The following TRIM72 variants were observed in gnomAD, a reference collection of about 807,000 sequenced individuals.
The protein encoded by TRIM72 is tripartite motif-containing protein 72.
Under a neutral mutation model 31.6 loss-of-function variants are expected in TRIM72, and 33 were observed. The observed-to-expected ratio is 1.04, with a 90% CI of 0.79 to 1.40. The LOEUF is 1.40. TRIM72 is among the 40% of genes most tolerant of loss of function. The probability of loss-of-function intolerance (pLI) is 0.00; values close to 1 mark genes in which losing one functional copy is unlikely to be tolerated. For missense variants in TRIM72, 666 were observed against 682.7 expected, an observed-to-expected ratio of 0.98 and a Z score of 0.27; for synonymous variants, 301 against 314.4, an observed-to-expected ratio of 0.96 and a Z score of 0.45.
Position 31,224,254 on chromosome 16 carries a change from G to C in TRIM72, c.933G>C (p.Val311=). 1 of 1,605,100 alleles carries C rather than the reference G, an allele frequency of 6.2e-7. No individual in the cohort carries two copies. The highest frequency in any genetic ancestry group is 8.5e-7 in the Non-Finnish European group (1 of 1,179,752). The part of the protein sequence containing the change: ...SLVVSSSGRR[V]ECSEQKAPPA... ...TGGTGTCTTCCTCTGGCCGCCGCGTGGAGTGCTCGGAGCAGAAGGCGCCGC... is the reference window on the plus strand; with the variant it reads ...TGGTGTCTTCCTCTGGCCGCCGCGTCGAGTGCTCGGAGCAGAAGGCGCCGC... The change falls in exon 7 of 7, where the codon GTG becomes GTC. Residue 311 remains valine, a synonymous_variant. Coordinates refer to ENST00000322122, the MANE Select transcript of TRIM72 (RefSeq NM_001008274.4).
Position 31,227,563 on chromosome 16 carries a change from C to T in TRIM72, c.*2808C>T, listed in dbSNP as rs1228175698. 6.6e-6 allele frequency: 1 copy of T among 152,070 alleles called. No homozygotes were observed. Among genetic ancestry groups the T allele is most frequent in the East Asian group, 1.9e-4 (1 of 5,170 alleles). The allele number at this position is 152,070 out of a possible 1,614,324, so 9.4% of individuals were successfully genotyped here. ...CGAACTCCTGACCTCAGGTGATCCACCCATTTTGGCCTCCCAAAGTGCTGG... is the reference window on the plus strand; with the variant it reads ...CGAACTCCTGACCTCAGGTGATCCATCCATTTTGGCCTCCCAAAGTGCTGG... On this transcript the variant is annotated 3_prime_UTR_variant, in exon 7 of 7. Transcript: ENST00000322122.
chr16:31,228,838 C>T lies in TRIM72; in HGVS notation c.*4083C>T, dbSNP rs2144204578. Reference sequence around the variant, plus strand: ...ACCTCAAATGATCTGCCCGCCTCAGCCTCCCAAAGTGCTGGGATTACAGGC... The same window carrying T: ...ACCTCAAATGATCTGCCCGCCTCAGTCTCCCAAAGTGCTGGGATTACAGGC... On this transcript the variant is annotated 3_prime_UTR_variant, in exon 7 of 7. Coordinates refer to ENST00000322122, the MANE Select transcript of TRIM72 (RefSeq NM_001008274.4). The T allele has an allele frequency of 6.6e-6, 1 of 152,414 alleles. No homozygotes were observed. The highest frequency in any genetic ancestry group is 3.4e-3 in the Middle Eastern group (1 of 296). The allele number at this position is 152,414 out of a possible 1,614,324, so 9.4% of individuals were successfully genotyped here.
chr16:31,217,113 G>A (rs1596938305), intron 2 of TRIM72: 8 of 1,420,742 alleles, frequency 5.6e-6, no homozygotes, highest in East Asian at 2.5e-5. Context: ...TGCCGCCCCC[G>A]GGGATGTCCC....
At position 31,215,064 on chromosome 16, in the gene TRIM72, C is replaced by A; in HGVS notation, c.326C>A (p.Ala109Asp). Residue 109 changes from alanine to aspartate, a missense_variant, in exon 2 of 7, where the codon GCC becomes GAC. Physicochemically the swap from Ala to Asp is moderately radical, Grantham distance 126 (BLOSUM62 -2). Transcript: ENST00000322122. This position sits in a 1 kb window ranked among gnomAD's most constrained non-coding sequence, Gnocchi z 6.3. Reference sequence around the variant, plus strand: ...CGCGCGCTGGTGTGCGGAGTGTGCGCCTCACTCGGCTCGCACCGCGGTCAT... The same window carrying A: ...CGCGCGCTGGTGTGCGGAGTGTGCGACTCACTCGGCTCGCACCGCGGTCAT... ...QDRALVCGVC[A>D]SLGSHRGHRL... 6.8e-7 allele frequency: 1 copy of A among 1,471,470 alleles called. No individual in the cohort carries two copies. The highest frequency in any genetic ancestry group is 1.4e-5 in the South Asian group (1 of 73,586). 91.2% of individuals were successfully genotyped at this position (1,471,470 alleles called of 1,614,324 possible). A position where few individuals can be genotyped will look rare whatever the true frequency, so the allele number is the denominator to read the frequency against.
At chr16:31,224,140 G>C (rs768905775) in intron 6 of TRIM72, 41 bp from the exon 7 acceptor site, 9 of 1,587,364 alleles carry the variant, frequency 5.7e-6, no homozygotes, top group Non-Finnish European at 7.7e-6. Context: ...ACCCCAGCGA[G>C]GCAGAAACCT....
At position 31,216,928 on chromosome 16, in the gene TRIM72, T is replaced by A; in HGVS notation, c.390+1800T>A. On this transcript the variant is annotated intron_variant, in intron 2 of 6. Transcript: ENST00000322122. This position sits in a 1 kb window ranked among gnomAD's most constrained non-coding sequence, Gnocchi z 6.7. ...GCCCCGCGGGATGCGCTCAAAGCCC[T>A]CGCGCAGCGGCACCGTCCCCAGCTT... 6.2e-7 allele frequency: 1 copy of A among 1,614,124 alleles called. No individual in the cohort carries two copies. The highest frequency in any genetic ancestry group is 1.1e-5 in the South Asian group (1 of 91,092).
intron 6 of TRIM72, among the ~76,000 whole-genome samples, chr16:31,223,642 G>A (rs886115414): frequency 6.6e-6 from 1 of 152,140 alleles, no homozygotes; most frequent in South Asian, 2.1e-4. Flanking sequence ...GGTGGCTCAC[G>A]CTTGTAATCC....
At chr16:31,221,124 CAT>C (rs1296405301) in intron 5 of TRIM72, among the ~76,000 whole-genome samples, 1 of 152,170 alleles carries the variant, frequency 6.6e-6, no homozygotes, top group Non-Finnish European at 1.5e-5. Flanking sequence ...CCGTGAGACA[CAT>C]GTGGGTGGGG....
At chr16:31,220,355 T>A (rs2079527952) in intron 4 of TRIM72, among the ~76,000 whole-genome samples, 1 of 149,948 alleles carries the variant, frequency 6.7e-6, no homozygotes, top group Non-Finnish European at 1.5e-5. Flanking sequence ...GACAGTTTTC[T>A]AACAGGTGGA....
At position 31,214,777 on chromosome 16, in the gene TRIM72, C is replaced by T; in HGVS notation, c.39C>T (p.Ser13=). Residue 13 remains serine, a synonymous_variant, in exon 2 of 7, where the codon TCC becomes TCT. Transcript: ENST00000322122. ...CCGGCCTCCTGCACCAGGAGCTGTCCTGCCCGCTGTGCCTGCAGCTGTTCG... is the reference window on the plus strand; with the variant it reads ...CCGGCCTCCTGCACCAGGAGCTGTCTTGCCCGCTGTGCCTGCAGCTGTTCG... The part of the protein sequence containing the change: ...AAPGLLHQEL[S]CPLCLQLFDA... The T allele has an allele frequency of 1.3e-6, 2 of 1,582,298 alleles. No individual in the cohort carries two copies. The highest frequency in any genetic ancestry group is 4.7e-5 in the East Asian group (2 of 42,980).
At chr16:31,214,601 G>C (rs2079497558) in intron 1 of TRIM72, 131 bp from the exon 2 acceptor site, 9 of 1,035,864 alleles carry the variant, frequency 8.7e-6, no homozygotes, top group Non-Finnish European at 1.2e-5. Flanking sequence ...TCCAGTGTAG[G>C]ATGTGAGGTC....
chr16:31,218,168 C>T (rs969321497), intron 2 of TRIM72, among the ~76,000 whole-genome samples: 1 of 152,178 alleles, frequency 6.6e-6, no homozygotes, highest in Non-Finnish European at 1.5e-5. Context: ...TGATGTTTGT[C>T]ATCCTCGCAA....
rs1403708733 is a variant in TRIM72 at position 31,228,101 on chromosome 16, C to T, written c.*3346C>T. 6.6e-6 allele frequency: 1 copy of T among 152,084 alleles called. No homozygotes were observed. The highest frequency in any genetic ancestry group is 2.4e-5 in the African/African-American group (1 of 41,352). The allele number at this position is 152,084 out of a possible 1,614,324, so 9.4% of individuals were successfully genotyped here. A position where few individuals can be genotyped will look rare whatever the true frequency, so the allele number is the denominator to read the frequency against. ...AGTAGCTGGGACTATAGGCAGGTGA[C>T]ACTACGCCTAGCTGATTTTTGTATT... is the stretch of plus-strand genomic sequence containing the variant. On this transcript the variant is annotated 3_prime_UTR_variant, in exon 7 of 7. Transcript: ENST00000322122.
rs1400596058 is a variant in TRIM72, at chr16:31,215,202, G to C, written c.390+74G>C. 6 of 1,382,442 alleles carry C rather than the reference G, an allele frequency of 4.3e-6. No homozygotes were observed. The South Asian group carries it at 8.2e-5, about 19-fold the overall frequency. The allele number at this position is 1,382,442 out of a possible 1,614,324, so 85.6% of individuals were successfully genotyped here. ...GGGCCGATGGGGAGGTCGCTGCAGTGATTTGGATTCTGAGTCTCTAGAGAG... is the reference window on the plus strand; with the variant it reads ...GGGCCGATGGGGAGGTCGCTGCAGTCATTTGGATTCTGAGTCTCTAGAGAG... On this transcript the variant is annotated intron_variant, in intron 2 of 6. Coordinates refer to ENST00000322122, the MANE Select transcript of TRIM72 (RefSeq NM_001008274.4). The surrounding 1 kb of genome is among the most constrained non-coding windows in gnomAD (Gnocchi z 6.3).
rs758879061 is a variant in TRIM72, at chr16:31,224,246, C to A, written c.925C>A (p.Arg309Ser). ...GAGCCTGGTGGTGTCTTCCTCTGGCCGCCGCGTGGAGTGCTCGGAGCAGAA... is the reference window on the plus strand; with the variant it reads ...GAGCCTGGTGGTGTCTTCCTCTGGCAGCCGCGTGGAGTGCTCGGAGCAGAA... The part of the protein sequence containing the change: ...HPSLVVSSSG[R>S]RVECSEQKAP... Residue 309 changes from arginine to serine, a missense_variant, in exon 7 of 7, where the codon CGC becomes AGC. Coordinates refer to ENST00000322122, the MANE Select transcript of TRIM72 (RefSeq NM_001008274.4). 7 of 1,604,982 alleles carry A rather than the reference C, an allele frequency of 4.4e-6. No homozygotes were observed. The highest frequency in any genetic ancestry group is 5.1e-6 in the Non-Finnish European group (6 of 1,179,812).
chr16:31,222,292 C>T (rs2079537410), intron 5 of TRIM72, among the ~76,000 whole-genome samples: 1 of 151,202 alleles, frequency 6.6e-6, no homozygotes, highest in African/African-American at 2.4e-5. Context: ...ACTTGGTTGG[C>T]TGAGGCAGGA....
In TRIM72 at chr16:31,225,149, C is replaced by T. The variant is rs2079551016; in HGVS notation, c.*394C>T. 2.6e-5 allele frequency: 4 copies of T among 155,634 alleles called. No individual in the cohort carries two copies. Among genetic ancestry groups the T allele is most frequent in the African/African-American group, 7.3e-5 (3 of 40,892 alleles). The allele number at this position is 155,634 out of a possible 1,614,324, so 9.6% of individuals were successfully genotyped here. On this transcript the variant is annotated 3_prime_UTR_variant, in exon 7 of 7. Transcript: ENST00000322122. Reference sequence around the variant, plus strand: ...AGGTTGCAGTGAGCAGACATTGCGGCACTGCACTCTAGCCTGGGTGACAAG... The same window carrying T: ...AGGTTGCAGTGAGCAGACATTGCGGTACTGCACTCTAGCCTGGGTGACAAG...
rs1338331506 is a variant in TRIM72 at position 31,225,259 on chromosome 16, G to A, written c.*504G>A. Reference sequence around the variant, plus strand: ...CTGGTGAGGGGTTGGAGTGACGCTGGGGACAAGACCCAGTGGGGTAGGGAG... The same window carrying A: ...CTGGTGAGGGGTTGGAGTGACGCTGAGGACAAGACCCAGTGGGGTAGGGAG... On this transcript the variant is annotated 3_prime_UTR_variant, in exon 7 of 7. Transcript: ENST00000322122. 6.6e-6 allele frequency: 1 copy of A among 152,240 alleles called. No individual in the cohort carries two copies. The highest frequency in any genetic ancestry group is 2.4e-5 in the African/African-American group (1 of 41,366). 9.4% of individuals were successfully genotyped at this position (152,240 alleles called of 1,614,324 possible). A position where few individuals can be genotyped will look rare whatever the true frequency, so the allele number is the denominator to read the frequency against.
In TRIM72 at chr16:31,215,228, G is replaced by A. The variant is rs368033615; in HGVS notation, c.390+100G>A. On this transcript the variant is annotated intron_variant, in intron 2 of 6. Coordinates refer to ENST00000322122, the MANE Select transcript of TRIM72 (RefSeq NM_001008274.4). The surrounding 1 kb of genome is among the most constrained non-coding windows in gnomAD (Gnocchi z 6.3). ...ATTTGGATTCTGAGTCTCTAGAGAG[G>A]CTCACGAGCTCCTGGAGTTGCGGGG... 3.0e-4 allele frequency: 405 copies of A among 1,333,886 alleles called. 1 individual carries two copies. In the African/African-American group the frequency reaches 5.9e-3, roughly 19 times the overall value. The allele number at this position is 1,333,886 out of a possible 1,614,324, so 82.6% of individuals were successfully genotyped here.
Sources: gnomAD v4.1 joint callset for allele counts (sites outside exome capture counted in the v4.1 genomes callset) on GRCh38, gnomAD v4.1.1 for gene constraint, Gnocchi (gnomAD v3.1) non-coding constraint, MANE v1.5 for transcripts, NCBI Gene and HGNC (gene_info 2026-07-23, HGNC 2026-07-21) for gene names.